EDA: variants seen among roughly 807,000 people sequenced by gnomAD.
EDA encodes ectodysplasin A.
A neutral mutation model predicts 23.6 loss-of-function variants in EDA; 2 were observed. The observed-to-expected ratio is 0.08, with a 90% CI of 0.03 to 0.27. The LOEUF is 0.27. EDA is among the 10% of genes least tolerant of loss of function. The pLI is 1.00. For synonymous variants in EDA, 131 were observed against 132.0 expected, an observed-to-expected ratio of 0.99 and a Z score of 0.05; for missense variants, 229 against 324.2, an observed-to-expected ratio of 0.71 and a Z score of 2.26.
intron 1 of EDA, among the ~76,000 whole-genome samples, chrX:69,750,859 T>C (rs1427191049): frequency 2.0e-4 from 22 of 112,057 alleles, no homozygotes; most frequent in Non-Finnish European, 3.8e-5. Flanking sequence ...CGCCCACTTT[T>C]AGATGGGGTT....
intron 1 of EDA, among the ~76,000 whole-genome samples, chrX:69,794,464 A>G (rs1319292744): frequency 8.9e-6 from 1 of 112,470 alleles, no homozygotes; most frequent in Non-Finnish European, 1.9e-5. Context: ...CCCCAGTAAT[A>G]ATATCTGAAA....
rs1475094105 is a variant in EDA, at chrX:69,853,832, A to T, written c.397-103195A>T. The stretch of plus-strand genomic sequence containing the variant: ...GCGGGCCATGTACAGTCTTTGTTGC[A>T]TACTCCTCTGTTTGTTTTTTGTTTG... On this transcript the variant is annotated intron_variant, in intron 1 of 7. Coordinates refer to ENST00000374552, the MANE Select transcript of EDA (RefSeq NM_001399.5). Among the ~76,000 whole-genome samples, 3 of 108,781 alleles carry T rather than the reference A, an allele frequency of 2.8e-5. No individual in the cohort carries two copies. In the Admixed American group the frequency reaches 3.0e-4, roughly 11 times the overall value. The allele number at this position is 108,781 out of a possible 115,157, so 94.5% of individuals were successfully genotyped here. A position where few individuals can be genotyped will look rare whatever the true frequency, so the allele number is the denominator to read the frequency against.
At chrX:69,680,893 G>T (rs1244467970) in intron 1 of EDA, among the ~76,000 whole-genome samples, 1 of 104,174 alleles carries the variant, frequency 9.6e-6, no homozygotes, top group Non-Finnish European at 2.0e-5. Flanking sequence ...TTGCTTGTTA[G>T]TTGATGCAGT....
chrX:70,019,700 A>G (rs2020003462), intron 2 of EDA, among the ~76,000 whole-genome samples: 1 of 112,128 alleles, frequency 8.9e-6, no homozygotes, highest in Non-Finnish European at 1.9e-5. Context: ...CATTGAATAC[A>G]TATGGACACA....
chrX:69,897,832 C>G (rs1321935879), intron 1 of EDA, among the ~76,000 whole-genome samples: 3 of 111,651 alleles, frequency 2.7e-5, no homozygotes, highest in African/African-American at 9.8e-5. Context: ...CCTGCTTATT[C>G]AGTACAGACA....
At chrX:69,749,950 G>A (rs1462455190) in intron 1 of EDA, among the ~76,000 whole-genome samples, 1 of 40,259 alleles carries the variant, frequency 2.5e-5, no homozygotes, top group Non-Finnish European at 4.5e-5. Context: ...TTTTTTTTTT[G>A]GTTGGGGAGA....
At chrX:69,757,778 G>A (rs919972049) in intron 1 of EDA, among the ~76,000 whole-genome samples, 1 of 111,929 alleles carries the variant, frequency 8.9e-6, no homozygotes, top group Non-Finnish European at 1.9e-5. Flanking sequence ...CTGTCACATC[G>A]TATTTTATTT....
At chrX:69,827,529 G>A (rs1371045438) in intron 1 of EDA, among the ~76,000 whole-genome samples, 4 of 111,025 alleles carry the variant, frequency 3.6e-5, no homozygotes, top group Admixed American at 1.9e-4. Context: ...CATAGTTCTC[G>A]AGCCTTGGTT....
At chrX:69,701,469 G>A (rs1308329796) in intron 1 of EDA, among the ~76,000 whole-genome samples, 1 of 112,345 alleles carries the variant, frequency 8.9e-6, no homozygotes, top group East Asian at 2.8e-4. Flanking sequence ...CCTTGGGCCT[G>A]CAGGGCCCCT....
rs1717887228 is a variant in EDA at position 70,038,798 on chromosome X, G to A, written c.*3189G>A. On this transcript the variant is annotated 3_prime_UTR_variant, in exon 8 of 8. Coordinates refer to ENST00000374552, the MANE Select transcript of EDA (RefSeq NM_001399.5). ...ATTTAGAGCTAAAAAGGCCCTTAGA[G>A]GGAATCTAGCCCAACCTACATTCCA... The A allele has an allele frequency of 8.9e-6, 1 of 112,351 alleles. No individual in the cohort carries two copies. The highest frequency in any genetic ancestry group is 3.2e-5 in the African/African-American group (1 of 30,793). The allele number at this position is 112,351 out of a possible 1,213,427, so 9.3% of individuals were successfully genotyped here.
chrX:69,759,840 T>C (rs2014242614), intron 1 of EDA, among the ~76,000 whole-genome samples: 1 of 109,631 alleles, frequency 9.1e-6, no homozygotes, highest in African/African-American at 3.3e-5. Flanking sequence ...GAGGGCTGGA[T>C]AGTGTGTCTG....
At chrX:69,969,406 C>G (rs1476105839) in intron 2 of EDA, among the ~76,000 whole-genome samples, 1 of 112,260 alleles carries the variant, frequency 8.9e-6, no homozygotes, top group Non-Finnish European at 1.9e-5. Flanking sequence ...ATTTAATTCT[C>G]TCCTTGAATT....
chrX:70,033,578 G>A (rs766344227), intron 7 of EDA, 50 bp downstream of exon 7: 25 of 1,195,600 alleles, frequency 2.1e-5, no homozygotes, highest in East Asian at 9.0e-5. Context: ...ATGCAGATCC[G>A]GTGCAGGCCA....
chrX:69,926,001 G>T (rs2018513011), intron 1 of EDA, among the ~76,000 whole-genome samples: 1 of 110,455 alleles, frequency 9.1e-6, no homozygotes, highest in South Asian at 3.8e-4. Context: ...GGGGTCAGTG[G>T]TGATATCCCC....
chrX:69,913,754 T>G (rs1033096736), intron 1 of EDA, among the ~76,000 whole-genome samples: 2 of 112,012 alleles, frequency 1.8e-5, no homozygotes, highest in African/African-American at 6.5e-5. Context: ...CTCACTAAAC[T>G]TAACGATTTC....
chrX:69,801,711 C>T (rs748334997), intron 1 of EDA, among the ~76,000 whole-genome samples: 2 of 111,333 alleles, frequency 1.8e-5, no homozygotes, highest in South Asian at 7.5e-4. Flanking sequence ...ATAAGCAGTT[C>T]GTAGAAGAAG....
At chrX:69,974,387 C>T (rs184734406) in intron 2 of EDA, among the ~76,000 whole-genome samples, 10 of 110,764 alleles carry the variant, frequency 9.0e-5, no homozygotes, top group African/African-American at 2.3e-4. Context: ...TGGACCCCTA[C>T]CCATCACCAT....
At chrX:70,014,165 T>G (rs1248819839) in intron 2 of EDA, among the ~76,000 whole-genome samples, 1 of 111,852 alleles carries the variant, frequency 8.9e-6, no homozygotes, top group Non-Finnish European at 1.9e-5. Flanking sequence ...CCAGCACTCA[T>G]GTAGGAAGGG....
intron 1 of EDA, chrX:69,937,243 A>T (rs139928737): frequency 6.7e-5 from 55 of 815,265 alleles, no homozygotes; most frequent in Non-Finnish European, 9.5e-5. Flanking sequence ...AGGCCATACA[A>T]ATGACCACAA....
Sources: allele counts gnomAD v4.1 joint callset (sites outside exome capture counted in the v4.1 genomes callset), GRCh38; gene constraint gnomAD v4.1.1; transcripts MANE v1.5; gene names NCBI Gene and HGNC (gene_info 2026-07-23, HGNC 2026-07-21).